PNPLA1: variants seen among roughly 807,000 people sequenced by gnomAD.
PNPLA1 encodes omega-hydroxyceramide transacylase.
A neutral mutation model predicts 51.7 loss-of-function variants in PNPLA1; 36 were observed. The ratio of observed to expected loss-of-function variants is 0.70; its 90% confidence interval spans 0.53 to 0.92. The LOEUF is 0.92. Among genes scored for constraint, PNPLA1 ranks in the 40% least tolerant of loss-of-function variants. The probability of loss-of-function intolerance (pLI) is 0.00; values close to 1 mark genes in which losing one functional copy is unlikely to be tolerated. For synonymous variants in PNPLA1, 293 were observed against 280.1 expected (o/e 1.05, Z -0.46); for missense variants, 658 against 682.5 (o/e 0.96, Z 0.40).
At chr6:36,266,063 G>A (rs1050421363), upstream of PNPLA1, among the ~76,000 whole-genome samples, 8 of 152,296 alleles carry the variant, frequency 5.3e-5, no homozygotes, top group Middle Eastern at 3.4e-3. Context: ...TCCCAATAGA[G>A]AGGCCCACTT....
intron 6 of PNPLA1, among the ~76,000 whole-genome samples, chr6:36,306,051 G>GC (rs1388279072): frequency 6.6e-6 from 1 of 152,162 alleles, no homozygotes; most frequent in East Asian, 1.9e-4. Context: ...CACCGGGCCT[G>GC]CCCCTGGGAG....
intron 6 of PNPLA1, among the ~76,000 whole-genome samples, chr6:36,305,115 G>A (rs745733462): frequency 5.3e-5 from 8 of 152,236 alleles, no homozygotes; most frequent in South Asian, 2.1e-4. Flanking sequence ...TATCCAACCC[G>A]CGGCCCAGAT....
chr6:36,302,756 A>T (rs1297836621), intron 6 of PNPLA1, among the ~76,000 whole-genome samples: 1 of 140,018 alleles, frequency 7.1e-6, no homozygotes, highest in Non-Finnish European at 1.6e-5. Flanking sequence ...GTCCTACTGC[A>T]GACCTACTAA....
At chr6:36,256,624 T>C (rs1320582824) in intron 1 of PNPLA1, among the ~76,000 whole-genome samples, 1 of 152,064 alleles carries the variant, frequency 6.6e-6, no homozygotes, top group African/African-American at 2.4e-5. Context: ...ATTTTTGTAT[T>C]TTTAGTGGAG....
intron 1 of PNPLA1, among the ~76,000 whole-genome samples, chr6:36,281,227 T>A (rs1770271785): frequency 6.6e-6 from 1 of 152,210 alleles, no homozygotes; most frequent in African/African-American, 2.4e-5. Flanking sequence ...TGGGTGAGTG[T>A]GAGTGGGTGT....
At chr6:36,296,053 G>A (rs546978195) in intron 5 of PNPLA1, among the ~76,000 whole-genome samples, 2 of 152,334 alleles carry the variant, frequency 1.3e-5, no homozygotes, top group African/African-American at 4.8e-5. Context: ...GCTCATGCCT[G>A]TAATCTCAGC....
In PNPLA1 at chr6:36,301,863, G is replaced by C. The variant is rs1771060129; in HGVS notation, c.778G>C (p.Ala260Pro). 2 of 1,612,432 alleles carry C rather than the reference G, an allele frequency of 1.2e-6. No homozygotes were observed. The highest frequency in any genetic ancestry group is 2.7e-5 in the African/African-American group (2 of 74,912). Residue 260 changes from alanine to proline, a missense_variant and splice_region_variant, in exon 6 of 9, where the codon GCT becomes CCT. Coordinates refer to ENST00000636260, the MANE Select transcript of PNPLA1 (RefSeq NM_001374623.1). ...DAVLYLRRLN[A>P]VYLNSSSKRV... is the part of the protein sequence containing the mutation. ...CCCCATGCTATTGTTTATCCTAGAT[G>C]CTGTTTATCTTAATTCTTCCTCCAA...
At chr6:36,295,308 T>A in intron 4 of PNPLA1, 56 bp from the exon 5 acceptor site, 2 of 1,583,960 alleles carry the variant, frequency 1.3e-6, no homozygotes, top group Non-Finnish European at 1.7e-6. Context: ...TCGGGGGAAC[T>A]GTGGCTCCCT....
intron 1 of PNPLA1, among the ~76,000 whole-genome samples, chr6:36,282,237 A>AAG (rs1323005773): frequency 2.7e-3 from 86 of 32,106 alleles, no homozygotes; most frequent in Admixed American, 5.1e-3. Context: ...AAGGAAGGAA[A>AAG]GAAAGAAAGA....
rs542077107 is a variant in PNPLA1, at chr6:36,248,058, C to T, written c.-81+4797C>T. ...CTCCAGTCCCGGGCTCATCTGCCACCGTGTACCATGCCCTCTCTCTGTTGT... is the reference window on the plus strand; with the variant it reads ...CTCCAGTCCCGGGCTCATCTGCCACTGTGTACCATGCCCTCTCTCTGTTGT... On this transcript the variant is annotated intron_variant, in intron 1 of 7. Coordinates refer to the PNPLA1 transcript ENST00000312917. 5.9e-5 allele frequency among the ~76,000 whole-genome samples: 9 copies of T among 152,264 alleles called. No homozygotes were observed. The South Asian group carries it at 1.0e-3, about 18-fold the overall frequency.
At chr6:36,295,334 T>C (rs1252547049) in intron 4 of PNPLA1, 30 bp from the exon 5 acceptor site, 1 of 1,613,488 alleles carries the variant, frequency 6.2e-7, no homozygotes, top group Non-Finnish European at 8.5e-7. Context: ...CCCGCAGCCT[T>C]GGTAATTCTC....
chr6:36,252,249 A>G (rs189245643), intron 1 of PNPLA1, among the ~76,000 whole-genome samples: 322 of 152,232 alleles, frequency 2.1e-3, no homozygotes, highest in African/African-American at 7.1e-3. Flanking sequence ...GATCCTGAGG[A>G]CTTTCTGGAG....
chr6:36,292,059 A>G (rs1296408513), intron 2 of PNPLA1, among the ~76,000 whole-genome samples: 1 of 152,182 alleles, frequency 6.6e-6, no homozygotes, highest in African/African-American at 2.4e-5. Context: ...CGCTGCCCTA[A>G]GCTCATTAAT....
At position 36,307,592 on chromosome 6, in the gene PNPLA1, G is replaced by A. The variant is rs375528426; in HGVS notation, c.1475G>A (p.Ser492Asn). The A allele has an allele frequency of 1.2e-6, 2 of 1,613,348 alleles. No individual in the cohort carries two copies. The highest frequency in any genetic ancestry group is 1.7e-6 in the Non-Finnish European group (2 of 1,179,704). ...TACTTAATCTCTTTGCCTAGGGAGA[G>A]CCCTGCTGAAGACTCAAACTGGGTG... ...ETVSKPYVTESPAEDSNWVNK... is the reference protein window; with the variant it reads ...ETVSKPYVTENPAEDSNWVNK... Residue 492 changes from serine to asparagine, a missense_variant, in exon 8 of 9, where the codon AGC becomes AAC. Coordinates refer to ENST00000636260, the MANE Select transcript of PNPLA1 (RefSeq NM_001374623.1).
intron 1 of PNPLA1, among the ~76,000 whole-genome samples, chr6:36,247,147 G>A (rs1769307624): frequency 1.3e-5 from 2 of 152,128 alleles, no homozygotes; most frequent in Non-Finnish European, 2.9e-5. Context: ...TCCTGGTCAA[G>A]CTTGAGCCCT....
upstream of PNPLA1, among the ~76,000 whole-genome samples, chr6:36,265,403 A>G (rs1247236803): frequency 6.6e-6 from 1 of 152,230 alleles, no homozygotes; most frequent in Non-Finnish European, 1.5e-5. Context: ...AAGAGAAAAA[A>G]AATCTACTTC....
At chr6:36,267,890 T>C (rs1425826505), upstream of PNPLA1, among the ~76,000 whole-genome samples, 1 of 152,010 alleles carries the variant, frequency 6.6e-6, no homozygotes, top group African/African-American at 2.4e-5. Flanking sequence ...TTTCCCCAAC[T>C]CTGCAGGAGG....
intron 8 of PNPLA1, among the ~76,000 whole-genome samples, chr6:36,310,488 G>A (rs967997154): frequency 6.6e-6 from 1 of 152,226 alleles, no homozygotes; most frequent in African/African-American, 2.4e-5. Flanking sequence ...TACCAAGTCT[G>A]TGAGATGCCC....
At chr6:36,254,928 C>T (rs563447432) in intron 1 of PNPLA1, among the ~76,000 whole-genome samples, 22 of 152,176 alleles carry the variant, frequency 1.4e-4, no homozygotes, top group African/African-American at 5.3e-4. Flanking sequence ...GGCTTGCCTC[C>T]GAGTTTAATT....
Sources: allele counts gnomAD v4.1 joint callset (sites outside exome capture counted in the v4.1 genomes callset), GRCh38; gene constraint gnomAD v4.1.1; transcripts MANE v1.5; gene names NCBI Gene and HGNC (gene_info 2026-07-23, HGNC 2026-07-21).